NUP188: variants seen among roughly 807,000 people sequenced by gnomAD.
The protein encoded by NUP188 is nucleoporin NUP188.
A neutral mutation model predicts 223.0 loss-of-function variants in NUP188; 97 were observed. The ratio of observed to expected loss-of-function variants is 0.43; its 90% CI spans 0.37 to 0.51. The LOEUF is 0.51. NUP188 is among the 20% of genes least tolerant of loss of function. The pLI is 0.00. For missense variants in NUP188, 1,947 were observed against 2,175.6 expected (o/e 0.89, Z 2.09); for synonymous variants, 869 against 828.0 (o/e 1.05, Z -0.85).
Position 129,001,693 on chromosome 9 carries a change from A to G in NUP188, c.4008A>G (p.Thr1336=). 1.2e-6 allele frequency: 2 copies of G among 1,613,998 alleles called. No homozygotes were observed. Among genetic ancestry groups the G allele is most frequent in the South Asian group, 2.2e-5 (2 of 91,064 alleles). ...MKQNLHFTEA[T]LHLLLTLART... ...AGAACCTGCATTTCACTGAGGCCAC[A>G]TTGCATCTGCTCCTCACCCTGGCTC... is the stretch of plus-strand genomic sequence containing the variant. The change falls in exon 35 of 44, where the codon ACA becomes ACG. Residue 1336 remains threonine (T), a synonymous_variant. Transcript: ENST00000372577.
chr9:129,003,794 G>GT, intron 38 of NUP188: 1 of 342,516 alleles, frequency 2.9e-6, no homozygotes, highest in Non-Finnish European at 5.5e-6. Context: ...CCAACATGGT[G>GT]AAACCCTGTC....
At chr9:128,972,401 C>T (rs1842116269) in intron 11 of NUP188, among the ~76,000 whole-genome samples, 2 of 152,158 alleles carry the variant, frequency 1.3e-5, no homozygotes, top group Non-Finnish European at 1.5e-5. Context: ...ACCTTGGAGA[C>T]ATTAAAGAGA....
rs955000227 is a variant in NUP188 at position 128,983,043 on chromosome 9, G to A, written c.1796+15G>A. 1.2e-6 allele frequency: 2 copies of A among 1,613,328 alleles called. No individual in the cohort carries two copies. Among genetic ancestry groups the A allele is most frequent in the African/African-American group, 2.7e-5 (2 of 74,918 alleles). ...CTGCTGCAGCGGTGAGTCTGTCTTG[G>A]CTGACCCTCAGCTGCCCAGTAGAGA... On this transcript the variant is annotated intron_variant, in intron 17 of 43. Coordinates refer to ENST00000372577, the MANE Select transcript of NUP188 (RefSeq NM_015354.3).
intron 41 of NUP188, 36 bp downstream of exon 41, chr9:129,005,812 C>G (rs772021912): frequency 2.6e-6 from 4 of 1,554,284 alleles, no homozygotes; most frequent in Non-Finnish European, 3.5e-6. Context: ...CCTCTCCCCC[C>G]GGCTCCTCCC....
chr9:128,992,015 TCCTG>T (rs1405505334), intron 25 of NUP188, among the ~76,000 whole-genome samples: 1 of 149,118 alleles, frequency 6.7e-6, no homozygotes, highest in African/African-American at 2.5e-5. Context: ...TCAGCCATTC[TCCTG>T]CCTTAGCCTC....
chr9:128,957,151 T>C (rs1841882762), intron 5 of NUP188, 119 bp downstream of exon 5: 10 of 648,272 alleles, frequency 1.5e-5, no homozygotes, highest in Non-Finnish European at 2.7e-5. Flanking sequence ...GGTACCGTCA[T>C]CTTCAGGGAA....
At chr9:128,967,640 A>G (rs538414480) in intron 8 of NUP188, among the ~76,000 whole-genome samples, 2 of 152,222 alleles carry the variant, frequency 1.3e-5, no homozygotes, top group South Asian at 4.1e-4. Context: ...AAAGAAAAAA[A>G]TCAGCCGGGC....
chr9:129,001,689 C>A lies in NUP188; in HGVS notation c.4004C>A (p.Ala1335Asp). The A allele has an allele frequency of 6.2e-7, 1 of 1,613,988 alleles. No homozygotes were observed. ...RMKQNLHFTE[A>D]TLHLLLTLAR... ...AAGCAGAACCTGCATTTCACTGAGG[C>A]CACATTGCATCTGCTCCTCACCCTG... is the stretch of plus-strand genomic sequence containing the variant. Residue 1335 changes from alanine (A) to aspartate (D), a missense_variant, in exon 35 of 44, where the codon GCC becomes GAC. Ala to Asp is a moderately radical substitution (Grantham distance 126). This residue lies in a region of NUP188 where 905 missense variants were observed against 990.6 expected (regional missense o/e 0.91). Coordinates refer to ENST00000372577, the MANE Select transcript of NUP188 (RefSeq NM_015354.3).
chr9:128,948,711 C>CTTTTTTTTTTTT (rs56052652), intron 1 of NUP188: 1 of 61,066 alleles, frequency 1.6e-5, no homozygotes, highest in Non-Finnish European at 3.2e-5. Context: ...GTTTTCCCCA[C>CTTTTTTTTTTTT]TTTTTTTTTT....
chr9:128,983,169 G>C (rs1021539058), intron 17 of NUP188, 124 bp from the exon 18 acceptor site: 3 of 1,418,130 alleles, frequency 2.1e-6, no homozygotes, highest in South Asian at 1.2e-5. Context: ...TATCTGTGAG[G>C]GTTTTCCTGT....
intron 38 of NUP188, 95 bp from the exon 39 acceptor site, chr9:129,005,052 G>T (rs548241743): frequency 1.2e-6 from 1 of 811,258 alleles, no homozygotes; most frequent in Non-Finnish European, 2.2e-6. Flanking sequence ...AGTGAGGAGC[G>T]CATGGGTGTT....
At position 128,968,516 on chromosome 9, in the gene NUP188, AAGTGTCTCGCTGGTTTGTTC is replaced by A; in HGVS notation, c.601_620del (p.Ser201ProfsTer19). 6.2e-7 allele frequency: 1 copy of A among 1,613,934 alleles called. No individual in the cohort carries two copies. Among genetic ancestry groups the A allele is most frequent in the Non-Finnish European group, 8.5e-7 (1 of 1,179,888 alleles). On this transcript the variant is annotated frameshift_variant, in exon 9 of 44. Coordinates refer to ENST00000372577, the MANE Select transcript of NUP188 (RefSeq NM_015354.3). LOFTEE classifies it high-confidence loss of function. ...TCATTGGTTGTACAGACAGAGCGCC[AAGTGTCTCGCTGGTTTGTTC>A]AGTGCCTTCGGGAACAGTCCATGCT...
intron 25 of NUP188, among the ~76,000 whole-genome samples, chr9:128,991,931 G>A (rs1189507473): frequency 5.0e-5 from 7 of 140,880 alleles, no homozygotes; most frequent in Non-Finnish European, 1.1e-4. Context: ...TTTTTGAGAC[G>A]GAGTCTCGCT....
At chr9:128,969,633 G>T in intron 10 of NUP188, 119 bp downstream of exon 10, 1 of 564,284 alleles carries the variant, frequency 1.8e-6, no homozygotes, top group East Asian at 3.3e-5. Context: ...GTGATGCAGA[G>T]GTTCTACAAT....
At chr9:128,984,225 C>G (rs1842299697) in intron 19 of NUP188, among the ~76,000 whole-genome samples, 2 of 150,676 alleles carry the variant, frequency 1.3e-5, no homozygotes. Flanking sequence ...CTCCCAGGTT[C>G]AAGTGATTCT....
chr9:128,949,107 A>T, intron 1 of NUP188, 82 bp from the exon 2 acceptor site: 3 of 988,464 alleles, frequency 3.0e-6, no homozygotes, highest in Non-Finnish European at 4.7e-6. Context: ...GCTTTTAGAG[A>T]GCAGACAAAA....
Position 128,947,766 on chromosome 9 carries a change from G to C in NUP188, c.32+15G>C, listed in dbSNP as rs1189640424. 1.3e-5 allele frequency: 19 copies of C among 1,436,478 alleles called. No homozygotes were observed. The highest frequency in any genetic ancestry group is 1.7e-5 in the Non-Finnish European group (19 of 1,096,856). 89.0% of individuals were successfully genotyped at this position (1,436,478 alleles called of 1,614,324 possible). A position where few individuals can be genotyped will look rare whatever the true frequency, so the allele number is the denominator to read the frequency against. On this transcript the variant is annotated intron_variant, in intron 1 of 43. Coordinates refer to ENST00000372577, the MANE Select transcript of NUP188 (RefSeq NM_015354.3). Reference sequence around the variant, plus strand: ...CCGTGTGTGAGGTGCGGAGCGGGTCGAATGGACCGGGGTGGCTGTGAAGCG... The same window carrying C: ...CCGTGTGTGAGGTGCGGAGCGGGTCCAATGGACCGGGGTGGCTGTGAAGCG...
Position 129,001,640 on chromosome 9 carries a change from A to G in NUP188, c.3955A>G (p.Thr1319Ala), listed in dbSNP as rs1217958186. The G allele has an allele frequency of 2.5e-6, 4 of 1,612,554 alleles. No individual in the cohort carries two copies. The highest frequency in any genetic ancestry group is 3.4e-6 in the Non-Finnish European group (4 of 1,179,074). The stretch of plus-strand genomic sequence containing the variant: ...CCCCATCCTACCCACCCTCCTCACC[A>G]CTCTAGAGGTGAGCCTTCGCATGAA... ...RLPILPTLLT[T>A]LEVSLRMKQN... The change falls in exon 35 of 44, where the codon ACT becomes GCT. Residue 1319 changes from threonine to alanine, a missense_variant. Thr to Ala is a moderately conservative substitution (Grantham distance 58). Transcript: ENST00000372577.
intron 11 of NUP188, among the ~76,000 whole-genome samples, 176 bp downstream of exon 11, chr9:128,971,134 C>T (rs571071567): frequency 7.2e-5 from 11 of 152,190 alleles, no homozygotes; most frequent in Admixed American, 2.0e-4. Context: ...CTTTTTGAAT[C>T]CTTGTAACAC....
Sources: allele counts gnomAD v4.1 joint callset (sites outside exome capture counted in the v4.1 genomes callset), GRCh38; gene constraint gnomAD v4.1.1; regional missense constraint gnomAD v4.1.1; transcripts MANE v1.5; gene names NCBI Gene and HGNC (gene_info 2026-07-23, HGNC 2026-07-21).